The following TRDN variants were observed in gnomAD, a reference collection of about 807,000 sequenced individuals.
The protein encoded by TRDN is triadin.
In TRDN, 161 loss-of-function variants were observed where a neutral mutation model predicts 149.7. That is an observed-to-expected ratio of 1.08 (90% CI 0.95 to 1.23). TRDN has a LOEUF of 1.23. Ranked by LOEUF, TRDN falls within the 50% of genes most tolerant of loss-of-function variation. TRDN has a pLI of 0.00. For missense variants in TRDN, 896 were observed against 823.5 expected (o/e 1.09, Z -1.08); for synonymous variants, 294 against 250.5 (o/e 1.17, Z -1.64).
At chr6:123,500,757 T>C (rs1296592848) in intron 8 of TRDN, among the ~76,000 whole-genome samples, 1 of 152,126 alleles carries the variant, frequency 6.6e-6, no homozygotes, top group African/African-American at 2.4e-5. Flanking sequence ...GGGTGCAGAA[T>C]GTCAAGAACA....
At chr6:123,411,368 A>G (rs1175919180) in intron 12 of TRDN, among the ~76,000 whole-genome samples, 1 of 152,116 alleles carries the variant, frequency 6.6e-6, no homozygotes, top group Non-Finnish European at 1.5e-5. Flanking sequence ...TCTAAGGAAG[A>G]TTGATTATGG....
In TRDN at chr6:123,516,211, AAAG is replaced by A; in HGVS notation, c.485-8_485-6del. 6.8e-7 allele frequency: 1 copy of A among 1,480,020 alleles called. No homozygotes were observed. Among genetic ancestry groups the A allele is most frequent in the Non-Finnish European group, 9.1e-7 (1 of 1,104,622 alleles). 91.7% of individuals were successfully genotyped at this position (1,480,020 alleles called of 1,614,324 possible). On this transcript the variant is annotated splice_region_variant and splice_polypyrimidine_tract_variant and intron_variant, in intron 5 of 40. Coordinates refer to ENST00000334268, the MANE Select transcript of TRDN (RefSeq NM_006073.4). ...TTTCTTTTTCTTTGTGTGTAACTGA[AAAG>A]AAACAGATAAATAGTTTTCATTTAA... is the stretch of plus-strand genomic sequence containing the variant.
At chr6:123,524,533 A>G (rs1164388955) in intron 5 of TRDN, among the ~76,000 whole-genome samples, 1 of 152,150 alleles carries the variant, frequency 6.6e-6, no homozygotes, top group Non-Finnish European at 1.5e-5. Context: ...AGGAATTTAT[A>G]TCTTAAGGGA....
At chr6:123,301,762 T>TATAC (rs1778416612) in intron 24 of TRDN, among the ~76,000 whole-genome samples, 3 of 80,748 alleles carry the variant, frequency 3.7e-5, no homozygotes, top group East Asian at 1.9e-3. Flanking sequence ...CATATATATA[T>TATAC]ATATATACAT....
At chr6:123,498,252 T>C (rs770931506) in intron 8 of TRDN, 26 of 188,656 alleles carry the variant, frequency 1.4e-4, no homozygotes, top group Non-Finnish European at 2.6e-4. Context: ...CTCCAAATTA[T>C]GCATATCAAA....
intron 9 of TRDN, among the ~76,000 whole-genome samples, chr6:123,481,089 G>A (rs1777726973): frequency 6.6e-6 from 1 of 152,012 alleles, no homozygotes; most frequent in Non-Finnish European, 1.5e-5. Flanking sequence ...CATGGAACTG[G>A]ATGATATTTT....
At chr6:123,298,534 C>A (rs79827176) in intron 24 of TRDN, among the ~76,000 whole-genome samples, 2,525 of 152,084 alleles carry the variant, frequency 0.017, 24 homozygotes, top group Non-Finnish European at 0.024. Context: ...ATCATTTACT[C>A]ATTTGTCTCC....
intron 12 of TRDN, among the ~76,000 whole-genome samples, chr6:123,421,406 C>G (rs561085095): frequency 2.6e-5 from 4 of 152,132 alleles, no homozygotes; most frequent in Non-Finnish European, 5.9e-5. Flanking sequence ...ATTTACCTGT[C>G]AAATGAAGTG....
intron 12 of TRDN, chr6:123,437,364 A>AT: frequency 3.9e-6 from 1 of 256,978 alleles, no homozygotes; most frequent in Non-Finnish European, 7.3e-6. Context: ...TTCTTTCTCT[A>AT]CTTTATTGAG....
chr6:123,337,333 C>T (rs910735687), intron 22 of TRDN, among the ~76,000 whole-genome samples: 3 of 151,904 alleles, frequency 2.0e-5, no homozygotes, highest in African/African-American at 7.3e-5. Context: ...ATATTCTTTA[C>T]TTCCCTTCTA....
At chr6:123,395,231 C>T (rs1451099209) in intron 12 of TRDN, among the ~76,000 whole-genome samples, 3 of 152,138 alleles carry the variant, frequency 2.0e-5, no homozygotes, top group African/African-American at 7.2e-5. Flanking sequence ...TTTATATCCT[C>T]TTAAATCACT....
At position 123,216,859 on chromosome 6, in the gene TRDN, T is replaced by A. The variant is rs997333346; in HGVS notation, c.*1742A>T. On this transcript the variant is annotated 3_prime_UTR_variant, in exon 41 of 41. Coordinates refer to ENST00000334268, the MANE Select transcript of TRDN (RefSeq NM_006073.4). ...AGAGTAGGTATTCAATAAACAGTCATTGAATGAAAGAATTAATGGACAAAC... is the reference window on the plus strand; with the variant it reads ...AGAGTAGGTATTCAATAAACAGTCAATGAATGAAAGAATTAATGGACAAAC... 1 of 151,994 alleles carries A rather than the reference T, an allele frequency of 6.6e-6. No individual in the cohort carries two copies. Among genetic ancestry groups the A allele is most frequent in the African/African-American group, 2.4e-5 (1 of 41,426 alleles). The allele number at this position is 151,994 out of a possible 1,614,324, so 9.4% of individuals were successfully genotyped here.
At chr6:123,309,684 A>G (rs1376555772) in intron 24 of TRDN, among the ~76,000 whole-genome samples, 1 of 151,912 alleles carries the variant, frequency 6.6e-6, no homozygotes, top group Admixed American at 6.6e-5. Context: ...GTTTTTTTTC[A>G]ATAAATACAT....
intron 21 of TRDN, chr6:123,352,035 C>T (rs147676331): frequency 1.0e-6 from 1 of 977,982 alleles, no homozygotes; most frequent in Non-Finnish European, 1.2e-6. Flanking sequence ...TTTCAGACCT[C>T]TTGGGAGAAT....
At chr6:123,484,463 A>G (rs1777896390) in intron 9 of TRDN, among the ~76,000 whole-genome samples, 1 of 152,202 alleles carries the variant, frequency 6.6e-6, no homozygotes, top group African/African-American at 2.4e-5. Flanking sequence ...ATTAAAATAC[A>G]TGGTGCATTA....
At chr6:123,236,471 A>T (rs1347563505) in intron 38 of TRDN, among the ~76,000 whole-genome samples, 1 of 152,122 alleles carries the variant, frequency 6.6e-6, no homozygotes, top group African/African-American at 2.4e-5. Context: ...ACAATTTATT[A>T]TTTTTTCTTT....
At chr6:123,227,884 G>T (rs1468437498) in intron 38 of TRDN, among the ~76,000 whole-genome samples, 2 of 151,868 alleles carry the variant, frequency 1.3e-5, no homozygotes, top group Non-Finnish European at 2.9e-5. Flanking sequence ...GGAGAGAGAG[G>T]TCCTGCCCAA....
chr6:123,281,244 G>A (rs1481162167), intron 24 of TRDN, among the ~76,000 whole-genome samples: 1 of 151,898 alleles, frequency 6.6e-6, no homozygotes, highest in Non-Finnish European at 1.5e-5. Flanking sequence ...TTTGTTTCCT[G>A]GGTTCTCAGA....
chr6:123,600,261 C>A (rs549255899), intron 1 of TRDN, among the ~76,000 whole-genome samples: 1 of 152,052 alleles, frequency 6.6e-6, no homozygotes, highest in Admixed American at 6.6e-5. Context: ...CAGATCCTCA[C>A]GGTATCTGAA....
Sources: gnomAD v4.1 joint callset for allele counts (sites outside exome capture counted in the v4.1 genomes callset) on GRCh38, gnomAD v4.1.1 for gene constraint, MANE v1.5 for transcripts, NCBI Gene and HGNC (gene_info 2026-07-23, HGNC 2026-07-21) for gene names.